The following LYSMD3 variants were observed in gnomAD, a reference collection of about 807,000 sequenced individuals.
LYSMD3 encodes the protein LysM domain containing 3.
A neutral mutation model predicts 26.1 loss-of-function variants in LYSMD3; 13 were observed. That is an observed-to-expected ratio of 0.50 (90% CI 0.32 to 0.79). The LOEUF (loss-of-function observed/expected upper bound fraction) is 0.79, where lower values mean the gene tolerates loss of function less well. LYSMD3 is among the 30% of genes least tolerant of loss of function. LYSMD3 has a pLI of 0.03. For synonymous variants in LYSMD3, 109 were observed against 119.4 expected (o/e 0.91, Z 0.57); for missense variants, 331 against 362.5 (o/e 0.91, Z 0.71).
At chr5:90,527,374 T>C (rs1312874006) in intron 1 of LYSMD3, among the ~76,000 whole-genome samples, 1 of 151,746 alleles carries the variant, frequency 6.6e-6, no homozygotes, top group Non-Finnish European at 1.5e-5. Context: ...TGTGCTTAGG[T>C]ACCCTGAACA....
At chr5:90,520,009 A>G (rs1316781361) in intron 2 of LYSMD3, among the ~76,000 whole-genome samples, 1 of 152,110 alleles carries the variant, frequency 6.6e-6, no homozygotes, top group African/African-American at 2.4e-5. Context: ...CACCATTCCA[A>G]AAAAAGATGC....
chr5:90,529,377 T>C, intron 1 of LYSMD3, 71 bp downstream of exon 1: 1 of 456,186 alleles, frequency 2.2e-6, no homozygotes, highest in South Asian at 1.5e-5. Flanking sequence ...GCGCCTCCCG[T>C]GAGGACGCAG....
chr5:90,528,125 C>T (rs985221948), intron 1 of LYSMD3, among the ~76,000 whole-genome samples: 1 of 152,118 alleles, frequency 6.6e-6, no homozygotes, highest in Non-Finnish European at 1.5e-5. Context: ...ACTCATTTAA[C>T]CAGGTCTTTT....
In LYSMD3 at chr5:90,519,104, T is replaced by G. The variant is rs987883131; in HGVS notation, c.636A>C (p.Ala212=). The G allele has an allele frequency of 1.9e-6, 3 of 1,614,052 alleles. No individual in the cohort carries two copies. Among genetic ancestry groups the G allele is most frequent in the African/African-American group, 1.3e-5 (1 of 74,946 alleles). The part of the protein sequence containing the change: ...NTQRKDPYYG[A]DWGIGWWTAV... ...CTGTCCACCACCCTATTCCCCAGTCTGCTCCATAATAGGGGTCTTTACGTT... is the reference window on the plus strand; with the variant it reads ...CTGTCCACCACCCTATTCCCCAGTCGGCTCCATAATAGGGGTCTTTACGTT... The change falls in exon 3 of 3, where the codon GCA becomes GCC. Residue 212 remains alanine, a synonymous_variant. Transcript: ENST00000315948.
chr5:90,524,997 A>G, intron 2 of LYSMD3, 38 bp downstream of exon 2: 1 of 1,470,732 alleles, frequency 6.8e-7, no homozygotes, highest in African/African-American at 1.4e-5. Context: ...TAAACAAATA[A>G]TTTCTTCTGA....
rs2151920544 is a variant in LYSMD3 at position 90,519,078 on chromosome 5, G to A, written c.662C>T (p.Ala221Val). The change falls in exon 3 of 3, where the codon GCT becomes GTT. Residue 221 changes from alanine (A) to valine (V), a missense_variant. Ala to Val is a moderately conservative substitution (Grantham distance 64). Around this residue, in one of 3 missense-constraint regions of LYSMD3, gnomAD observed 262 missense variants for 267.3 expected, o/e 0.98. Coordinates refer to ENST00000315948, the MANE Select transcript of LYSMD3 (RefSeq NM_198273.2). Reference sequence around the variant, plus strand: ...ACCTACTATCAACATTATCACTACAGCTGTCCACCACCCTATTCCCCAGTC... The same window carrying A: ...ACCTACTATCAACATTATCACTACAACTGTCCACCACCCTATTCCCCAGTC... ...GADWGIGWWT[A>V]VVIMLIVGII... 1 of 1,614,024 alleles carries A rather than the reference G, an allele frequency of 6.2e-7. No homozygotes were observed. Among genetic ancestry groups the A allele is most frequent in the East Asian group, 2.2e-5 (1 of 44,866 alleles).
In LYSMD3 at chr5:90,525,267, C is replaced by T; in HGVS notation, c.23G>A (p.Arg8His). The T allele has an allele frequency of 3.1e-6, 5 of 1,609,212 alleles. 1 individual carries two copies. Among genetic ancestry groups the T allele is most frequent in the Middle Eastern group, 3.3e-4 (2 of 6,030 alleles). MAGRHQN[R>H]SFPLPGVQSS... is the part of the protein sequence containing the mutation. ...CTGAACTCCTGGAAGAGGAAAACTA[C>T]GATTCTGATGCCTCCCTGCCATAAT... The change falls in exon 2 of 3, where the codon CGT (arginine) becomes CAT (histidine). Residue 8 changes from arginine (R) to histidine (H), a missense_variant. Physicochemically the swap from Arg to His is conservative, Grantham distance 29. Coordinates refer to ENST00000315948, the MANE Select transcript of LYSMD3 (RefSeq NM_198273.2).
intron 1 of LYSMD3, 139 bp from the exon 2 acceptor site, chr5:90,525,439 CG>C (rs1488162333): frequency 4.3e-5 from 39 of 909,522 alleles, no homozygotes; most frequent in Non-Finnish European, 5.3e-5. Flanking sequence ...GGTTTAAGTT[CG>C]TTTTTTTGTT....
chr5:90,528,594 T>C (rs1753281383), intron 1 of LYSMD3, among the ~76,000 whole-genome samples: 2 of 152,364 alleles, frequency 1.3e-5, no homozygotes, highest in South Asian at 4.1e-4. Context: ...GAACTGGCTG[T>C]GTCTTCAACC....
Position 90,519,478 on chromosome 5 carries a change from C to G in LYSMD3, c.262G>C (p.Asp88His). 1 of 1,583,120 alleles carries G rather than the reference C, an allele frequency of 6.3e-7. No individual in the cohort carries two copies. Among genetic ancestry groups the G allele is most frequent in the Non-Finnish European group, 8.6e-7 (1 of 1,167,742 alleles). ...IALQYCCTVA[D>H]IKRVNNLISD... ...ATGAGATTGTTAACTCTCTTGATAT[C>G]TGCTACCTGTGGGGGGGAAAAAAAA... Residue 88 changes from aspartate (D) to histidine (H), a missense_variant, in exon 3 of 3, where the codon GAT (aspartate) becomes CAT (histidine). Asp to His is a moderately conservative substitution (Grantham distance 81). Coordinates refer to ENST00000315948, the MANE Select transcript of LYSMD3 (RefSeq NM_198273.2).
intron 2 of LYSMD3, 42 bp from the exon 3 acceptor site, chr5:90,519,526 T>C (rs763888988): frequency 6.5e-7 from 1 of 1,534,596 alleles, no homozygotes; most frequent in Non-Finnish European, 8.7e-7. Flanking sequence ...TGAATTCCAA[T>C]CAAAATAAAG....
At position 90,529,544 on chromosome 5, in the gene LYSMD3, G is replaced by A. The variant is rs1481859888; in HGVS notation, c.-108C>T. On this transcript the variant is annotated 5_prime_UTR_variant, in exon 1 of 3. Coordinates refer to ENST00000315948, the MANE Select transcript of LYSMD3 (RefSeq NM_198273.2). ...AGTTCATGGCCGAGCCTCTGCTTTG[G>A]GCTGACCCCGTCCGCCTCCGCCTCT... The A allele has an allele frequency of 1.1e-5, 5 of 456,524 alleles. No homozygotes were observed. The highest frequency in any genetic ancestry group is 4.0e-5 in the African/African-American group (2 of 50,068). The allele number at this position is 456,524 out of a possible 1,614,324, so 28.3% of individuals were successfully genotyped here.
intron 2 of LYSMD3, among the ~76,000 whole-genome samples, chr5:90,522,773 ATAGTCTGTGCCACTCACT>A (rs1753125316): frequency 6.6e-6 from 1 of 151,938 alleles, no homozygotes; most frequent in African/African-American, 2.4e-5. Context: ...TTCATCCCAA[ATAGTCTGTGCCACTCACT>A]TCGGAAATAA....
At position 90,516,209 on chromosome 5, in the gene LYSMD3, A is replaced by G. The variant is rs941335129; in HGVS notation, c.*2610T>C. Reference sequence around the variant, plus strand: ...TTCTAATTTTTAATGTGGCCAGCAGAGTGTGTAACCATTTTTAACATATCT... The same window carrying G: ...TTCTAATTTTTAATGTGGCCAGCAGGGTGTGTAACCATTTTTAACATATCT... On this transcript the variant is annotated 3_prime_UTR_variant, in exon 3 of 3. Transcript: ENST00000315948. 6.6e-6 allele frequency: 1 copy of G among 151,950 alleles called. No individual in the cohort carries two copies. The highest frequency in any genetic ancestry group is 1.5e-5 in the Non-Finnish European group (1 of 67,854). 9.4% of individuals were successfully genotyped at this position (151,950 alleles called of 1,614,324 possible).
Position 90,518,960 on chromosome 5 carries a change from A to G in LYSMD3, c.780T>C (p.His260=). 6.2e-7 allele frequency: 1 copy of G among 1,614,006 alleles called. No individual in the cohort carries two copies. Among genetic ancestry groups the G allele is most frequent in the Non-Finnish European group, 8.5e-7 (1 of 1,179,944 alleles). ...GCTGTGATGGGGGTGTGATTTTTGA[A>G]TGTAAATGTGAAGAGTCCACTGTTG... ...HHSTVDSSHL[H]SKITPPSQQR... The change falls in exon 3 of 3, where the codon CAT becomes CAC. Residue 260 remains histidine (H), a synonymous_variant. Coordinates refer to ENST00000315948, the MANE Select transcript of LYSMD3 (RefSeq NM_198273.2).
intron 2 of LYSMD3, among the ~76,000 whole-genome samples, chr5:90,524,241 C>T (rs1384488039): frequency 6.6e-6 from 1 of 152,140 alleles, no homozygotes; most frequent in Non-Finnish European, 1.5e-5. Flanking sequence ...GTCCATGATA[C>T]ACTAAAGAAT....
chr5:90,523,928 T>TGTCC (rs760546204), intron 2 of LYSMD3, among the ~76,000 whole-genome samples: 22 of 152,284 alleles, frequency 1.4e-4, no homozygotes, highest in South Asian at 6.2e-4. Context: ...GGCCTCAAGA[T>TGTCC]GGACATAATG....
intron 1 of LYSMD3, among the ~76,000 whole-genome samples, chr5:90,525,742 G>A (rs1051938451): frequency 5.3e-5 from 8 of 152,154 alleles, no homozygotes; most frequent in African/African-American, 1.7e-4. Flanking sequence ...GAGCCACTGC[G>A]CCTGGCCTAG....
At chr5:90,528,551 C>A (rs1039897630) in intron 1 of LYSMD3, among the ~76,000 whole-genome samples, 5 of 152,204 alleles carry the variant, frequency 3.3e-5, no homozygotes, top group Non-Finnish European at 7.3e-5. Context: ...AGCTGACTAT[C>A]GTGTTACAAA....
Sources: gnomAD v4.1 joint callset for allele counts (sites outside exome capture counted in the v4.1 genomes callset) on GRCh38, gnomAD v4.1.1 for gene constraint, gnomAD v4.1.1 regional missense constraint, MANE v1.5 for transcripts, NCBI Gene and HGNC (gene_info 2026-07-23, HGNC 2026-07-21) for gene names.